Variants in ATP8B4 observed in about 807,000 individuals in gnomAD.
The protein encoded by ATP8B4 is ATPase phospholipid transporting 8B4 (putative), also known as probable phospholipid-transporting ATPase IM.
Under a neutral mutation model 145.6 loss-of-function variants are expected in ATP8B4, and 133 were observed. The ratio of observed to expected loss-of-function variants is 0.91; its 90% CI spans 0.79 to 1.05. The LOEUF (loss-of-function observed/expected upper bound fraction) is 1.05, where lower values mean the gene tolerates loss of function less well. Among genes scored for constraint, ATP8B4 ranks in the 50% least tolerant of loss-of-function variants. ATP8B4 has a pLI of 0.00. For synonymous variants in ATP8B4, 507 were observed against 492.9 expected, an observed-to-expected ratio of 1.03 and a Z score of -0.38; for missense variants, 1,458 against 1,425.2, an observed-to-expected ratio of 1.02 and a Z score of -0.37.
At chr15:50,008,093 T>G (rs1009927393) in intron 7 of ATP8B4, among the ~76,000 whole-genome samples, 1 of 152,218 alleles carries the variant, frequency 6.6e-6, no homozygotes, top group Non-Finnish European at 1.5e-5. Flanking sequence ...ACAAACTCAT[T>G]GAGCCACAGA....
chr15:50,172,154 C>A (rs1342731469), intron 1 of ATP8B4, among the ~76,000 whole-genome samples: 2 of 152,342 alleles, frequency 1.3e-5, no homozygotes, highest in South Asian at 4.1e-4. Flanking sequence ...CTCCCTCCCA[C>A]TCCCGCTCCC....
chr15:49,962,333 A>G (rs2044158051), intron 13 of ATP8B4, among the ~76,000 whole-genome samples: 1 of 152,204 alleles, frequency 6.6e-6, no homozygotes, highest in African/African-American at 2.4e-5. Context: ...TGCAAGAGGC[A>G]AATTTCTATC....
At chr15:49,904,033 C>T (rs554493780) in intron 20 of ATP8B4, among the ~76,000 whole-genome samples, 3 of 152,280 alleles carry the variant, frequency 2.0e-5, no homozygotes, top group African/African-American at 7.2e-5. Flanking sequence ...CTGCCTCTGA[C>T]ATCTTATGTT....
intron 6 of ATP8B4, among the ~76,000 whole-genome samples, chr15:50,014,585 C>T (rs1202293251): frequency 6.6e-6 from 1 of 152,012 alleles, no homozygotes; most frequent in African/African-American, 2.4e-5. Context: ...AATAACACCT[C>T]AATTAAATTT....
chr15:49,937,744 G>A (rs1257322978), intron 14 of ATP8B4, among the ~76,000 whole-genome samples: 1 of 152,170 alleles, frequency 6.6e-6, no homozygotes, highest in African/African-American at 2.4e-5. Flanking sequence ...TATTTTAATA[G>A]TAATTCCAGT....
At position 49,931,272 on chromosome 15, in the gene ATP8B4, C is replaced by T. The variant is rs2041229920; in HGVS notation, c.1489G>A (p.Gly497Arg). ...TTTCTAGCGGCAGTCACTAGAGCCCCTTCATCAGGTGACTGAACTTGGTAA... is the reference window on the plus strand; with the variant it reads ...TTTCTAGCGGCAGTCACTAGAGCCCTTTCATCAGGTGACTGAACTTGGTAA... ...LIYQVQSPDEGALVTAARNFG... is the reference protein window; with the variant it reads ...LIYQVQSPDERALVTAARNFG... Residue 497 changes from glycine to arginine, a missense_variant, in exon 16 of 28, where the codon GGG (glycine) becomes AGG (arginine). Gly to Arg is a moderately radical substitution (Grantham distance 125). Coordinates refer to ENST00000284509, the MANE Select transcript of ATP8B4 (RefSeq NM_024837.4). 3 of 1,612,416 alleles carry T rather than the reference C, an allele frequency of 1.9e-6. No homozygotes were observed. In the African/African-American group the frequency reaches 4.0e-5, roughly 22 times the overall value.
chr15:50,145,174 G>T (rs2044261178), intron 1 of ATP8B4, among the ~76,000 whole-genome samples: 1 of 152,032 alleles, frequency 6.6e-6, no homozygotes, highest in Non-Finnish European at 1.5e-5. Flanking sequence ...TAAAAATCAG[G>T]ATAAAACAAA....
chr15:49,899,872 G>T (rs2037826796), intron 21 of ATP8B4, among the ~76,000 whole-genome samples: 1 of 152,108 alleles, frequency 6.6e-6, no homozygotes, highest in Non-Finnish European at 1.5e-5. Flanking sequence ...TGAATATGAT[G>T]GTGTTCTTGA....
At chr15:49,887,673 A>C (rs2036356562) in intron 23 of ATP8B4, among the ~76,000 whole-genome samples, 1 of 152,158 alleles carries the variant, frequency 6.6e-6, no homozygotes, top group East Asian at 1.9e-4. Flanking sequence ...GAAAAAAAAA[A>C]AACAGGGAGG....
At chr15:49,908,706 A>C (rs1319263913) in intron 20 of ATP8B4, among the ~76,000 whole-genome samples, 11 of 152,058 alleles carry the variant, frequency 7.2e-5, no homozygotes, top group South Asian at 4.1e-4. Flanking sequence ...CTGAGGGCCC[A>C]ACAGTACTTG....
At chr15:49,901,780 T>C (rs1255013849) in intron 20 of ATP8B4, 2 of 413,068 alleles carry the variant, frequency 4.8e-6, no homozygotes, top group South Asian at 1.8e-5. Context: ...AAAATGATGG[T>C]ACTTACTGAA....
At chr15:50,023,797 G>GAAAAAAAAAAAAAAAAAAAAAAAA (rs1260432604) in intron 6 of ATP8B4, among the ~76,000 whole-genome samples, 1 of 91,598 alleles carries the variant, frequency 1.1e-5, no homozygotes, top group South Asian at 3.7e-4. Flanking sequence ...AAAAAAAAAA[G>GAAAAAAAAAAAAAAAAAAAAAAAA]AAAAAAAAGA....
chr15:50,109,643 A>C (rs1391992916), intron 1 of ATP8B4, among the ~76,000 whole-genome samples: 1 of 151,840 alleles, frequency 6.6e-6, no homozygotes, highest in Non-Finnish European at 1.5e-5. Context: ...GCAAGATGAA[A>C]AAAAAGGGGA....
At chr15:49,965,510 C>T (rs995238986) in intron 13 of ATP8B4, among the ~76,000 whole-genome samples, 4 of 152,164 alleles carry the variant, frequency 2.6e-5, no homozygotes, top group Admixed American at 6.5e-5. Flanking sequence ...ATCTGCAAAA[C>T]GGCCAGCGTT....
At chr15:49,925,796 C>T (rs572998265) in intron 16 of ATP8B4, among the ~76,000 whole-genome samples, 4 of 152,212 alleles carry the variant, frequency 2.6e-5, no homozygotes, top group African/African-American at 9.6e-5. Context: ...TAAACATTTG[C>T]TTTAGCAGCA....
chr15:49,965,417 A>T (rs2044437787), intron 13 of ATP8B4, among the ~76,000 whole-genome samples: 1 of 152,242 alleles, frequency 6.6e-6, no homozygotes, highest in Non-Finnish European at 1.5e-5. Flanking sequence ...GTGGACACTC[A>T]GAATCCCATG....
intron 6 of ATP8B4, among the ~76,000 whole-genome samples, chr15:50,027,604 C>G (rs2050109860): frequency 6.6e-6 from 1 of 152,154 alleles, no homozygotes; most frequent in Admixed American, 6.5e-5. Context: ...TCTCCAAACT[C>G]AATTCCATTT....
At chr15:50,140,782 C>T (rs2044195879) in intron 1 of ATP8B4, among the ~76,000 whole-genome samples, 1 of 152,254 alleles carries the variant, frequency 6.6e-6, no homozygotes, top group African/African-American at 2.4e-5. Context: ...CAACAGGAGA[C>T]CTTTTCAAAA....
chr15:50,130,871 G>C (rs774411755), intron 1 of ATP8B4, among the ~76,000 whole-genome samples: 4 of 152,146 alleles, frequency 2.6e-5, no homozygotes, highest in African/African-American at 4.8e-5. Context: ...AATTGTATTA[G>C]TCCATTTTCA....
Sources: gnomAD v4.1 joint callset for allele counts (sites outside exome capture counted in the v4.1 genomes callset) on GRCh38, gnomAD v4.1.1 for gene constraint, MANE v1.5 for transcripts, NCBI Gene and HGNC (gene_info 2026-07-23, HGNC 2026-07-21) for gene names.